PRRC2B: variants seen among roughly 807,000 people sequenced by gnomAD.
PRRC2B encodes the protein proline rich coiled-coil 2B.
Under a neutral mutation model 242.3 loss-of-function variants are expected in PRRC2B, and 68 were observed. The ratio of observed to expected loss-of-function variants is 0.28; its 90% confidence interval spans 0.23 to 0.34. The LOEUF is 0.34. Ranked by LOEUF, PRRC2B falls within the 10% of genes least tolerant of loss-of-function variation. PRRC2B has a pLI of 1.00. For synonymous variants in PRRC2B, 1,228 were observed against 1,173.6 expected (o/e 1.05, Z -0.95); for missense variants, 2,835 against 2,954.8 (o/e 0.96, Z 0.94).
chr9:131,437,145 C>T (rs796157371), intron 4 of PRRC2B, among the ~76,000 whole-genome samples: 9 of 152,194 alleles, frequency 5.9e-5, no homozygotes, highest in South Asian at 2.1e-4. Flanking sequence ...AAAAACAAAA[C>T]GAAGCGAGCT....
At chr9:131,455,254 A>G (rs1360870695) in intron 10 of PRRC2B, 88 bp downstream of exon 10, 2 of 885,822 alleles carry the variant, frequency 2.3e-6, no homozygotes, top group Non-Finnish European at 3.6e-6. Flanking sequence ...TTCCATAGCA[A>G]CCTGGAATGG....
In PRRC2B at chr9:131,476,086, G is replaced by A. The variant is rs751754404; in HGVS notation, c.3957G>A (p.Glu1319=). The A allele has an allele frequency of 3.1e-6, 5 of 1,608,542 alleles. No homozygotes were observed. The highest frequency in any genetic ancestry group is 4.2e-6 in the Non-Finnish European group (5 of 1,176,624). Reference sequence around the variant, plus strand: ...CTCGATTCCGGCGCCTCCGGCAAGAGCGGGAGTCCCTGGGCCTGTGGGGAC... The same window carrying A: ...CTCGATTCCGGCGCCTCCGGCAAGAACGGGAGTCCCTGGGCCTGTGGGGAC... ...KPPRFRRLRQ[E]RESLGLWGPE... Residue 1319 remains glutamate (E), a synonymous_variant, in exon 16 of 32, where the codon GAG becomes GAA. Transcript: ENST00000683519.
At chr9:131,385,327 G>A (rs1311706312) in intron 1 of PRRC2B, among the ~76,000 whole-genome samples, 2 of 148,176 alleles carry the variant, frequency 1.3e-5, no homozygotes, top group African/African-American at 2.5e-5. Context: ...GGTAACGAGC[G>A]AAAAACTCCG....
intron 30 of PRRC2B, among the ~76,000 whole-genome samples, chr9:131,493,138 T>C (rs7875428): frequency 0.98 from 149,157 of 152,242 alleles, 73,151 homozygotes; most frequent in East Asian, 1. Context: ...CCCTCTGCCT[T>C]GCTGCCCTCC....
At chr9:131,483,222 G>T in intron 22 of PRRC2B, 137 bp from the exon 23 acceptor site, 1 of 834,706 alleles carries the variant, frequency 1.2e-6, no homozygotes. Flanking sequence ...TGGCCATCTC[G>T]CTCATATGTG....
At position 131,483,359 on chromosome 9, in the gene PRRC2B, G is replaced by A; in HGVS notation, c.5374G>A (p.Asp1792Asn). ...PPIEFGVSPK[D>N]SDFSLPPGSA... ...TGTGTGGCCTTTTTTATTTTTTCAGGACTCCGATTTCAGCTTGCCACCTGG... is the reference window on the plus strand; with the variant it reads ...TGTGTGGCCTTTTTTATTTTTTCAGAACTCCGATTTCAGCTTGCCACCTGG... The change falls in exon 23 of 32, where the codon GAC becomes AAC. Residue 1792 changes from aspartate (D) to asparagine (N), a missense_variant and splice_region_variant. By Grantham distance (23) the Asp-to-Asn change is conservative. This residue lies in a region of PRRC2B where 574 missense variants were observed against 626.0 expected (regional missense o/e 0.92). Transcript: ENST00000683519. The A allele has an allele frequency of 6.2e-7, 1 of 1,613,880 alleles. No individual in the cohort carries two copies. Among genetic ancestry groups the A allele is most frequent in the African/African-American group, 1.3e-5 (1 of 75,018 alleles).
rs1474728319 is a variant in PRRC2B, at chr9:131,467,623, T to C, written c.1781T>C (p.Val594Ala). The change falls in exon 13 of 32, where the codon GTG becomes GCG. Residue 594 changes from valine (V) to alanine (A), a missense_variant. Val to Ala is a moderately conservative substitution (Grantham distance 64, BLOSUM62 0). This residue lies in a region of PRRC2B where 1,536 missense variants were observed against 1,483.1 expected (regional missense o/e 1.04). Transcript: ENST00000683519. ...PTTFPEEAPT[V>A]SPAVAQSNSS... ...ACATTCCCAGAAGAGGCACCCACAGTGTCCCCAGCAGTGGCACAGAGCAAC... is the reference window on the plus strand; with the variant it reads ...ACATTCCCAGAAGAGGCACCCACAGCGTCCCCAGCAGTGGCACAGAGCAAC... 6.2e-7 allele frequency: 1 copy of C among 1,613,542 alleles called. No homozygotes were observed. Among genetic ancestry groups the C allele is most frequent in the Admixed American group, 1.7e-5 (1 of 59,964 alleles).
Position 131,491,144 on chromosome 9 carries a change from C to T in PRRC2B, c.6226-281C>T, listed in dbSNP as rs1944182115. On this transcript the variant is annotated intron_variant, in intron 28 of 31. Transcript: ENST00000683519. ...AGAGATGTGGATGAGACACACTTAA[C>T]GCTGTTAGTTCCCATGCCTGCAGCC... 7.5e-6 allele frequency: 3 copies of T among 400,810 alleles called. No homozygotes were observed. In the South Asian group the frequency reaches 1.3e-4, roughly 17 times the overall value. 24.8% of individuals were successfully genotyped at this position (400,810 alleles called of 1,614,324 possible).
intron 13 of PRRC2B, 105 bp downstream of exon 13, chr9:131,467,858 A>G: frequency 8.4e-7 from 1 of 1,185,428 alleles, no homozygotes; most frequent in Non-Finnish European, 1.2e-6. Context: ...GAAAAAGGCC[A>G]GAATATCCCT....
intron 1 of PRRC2B, among the ~76,000 whole-genome samples, chr9:131,411,337 T>C (rs1471217623): frequency 9.7e-6 from 1 of 103,554 alleles, no homozygotes; most frequent in Non-Finnish European, 1.9e-5. Flanking sequence ...TTTTGTTTTG[T>C]TTTGTTTTTT....
chr9:131,447,623 G>A (rs1485020035), intron 8 of PRRC2B, 39 bp from the exon 9 acceptor site: 7 of 1,542,524 alleles, frequency 4.5e-6, no homozygotes, highest in Non-Finnish European at 6.1e-6. Context: ...GCTTCCGTCT[G>A]TATACTGGAC....
intron 23 of PRRC2B, 147 bp downstream of exon 23, chr9:131,483,592 A>G: frequency 1.4e-6 from 1 of 711,982 alleles, no homozygotes; most frequent in Non-Finnish European, 2.5e-6. Context: ...AGGTGCTTAA[A>G]TGTTCCTGCC....
At chr9:131,451,831 T>G (rs1189950567) in intron 9 of PRRC2B, among the ~76,000 whole-genome samples, 2 of 152,212 alleles carry the variant, frequency 1.3e-5, no homozygotes. Flanking sequence ...TGTGTTCATA[T>G]TATTTTTCTC....
intron 1 of PRRC2B, among the ~76,000 whole-genome samples, chr9:131,401,538 A>G (rs1249076975): frequency 2.0e-5 from 3 of 151,198 alleles, no homozygotes; most frequent in Non-Finnish European, 4.4e-5. Flanking sequence ...TTTTGTAGAG[A>G]CGGGGTTTCA....
intron 4 of PRRC2B, 110 bp downstream of exon 4, chr9:131,436,832 C>T (rs1204488736): frequency 1.2e-6 from 1 of 826,236 alleles, no homozygotes; most frequent in Admixed American, 2.4e-5. Context: ...TTGTGCATGA[C>T]CTGTCTATTC....
intron 1 of PRRC2B, among the ~76,000 whole-genome samples, chr9:131,409,597 G>A (rs1454145915): frequency 6.6e-6 from 1 of 152,206 alleles, no homozygotes; most frequent in African/African-American, 2.4e-5. Flanking sequence ...GAGCCTGTGG[G>A]GGCCGGGCTG....
At chr9:131,389,183 G>C (rs558981851), upstream of PRRC2B, among the ~76,000 whole-genome samples, 1 of 128,756 alleles carries the variant, frequency 7.8e-6, no homozygotes, top group South Asian at 2.3e-4. Context: ...ACAGAGTTTC[G>C]CTCTTGTTGC....
intron 1 of PRRC2B, among the ~76,000 whole-genome samples, chr9:131,405,485 G>C (rs1175468768): frequency 2.0e-5 from 3 of 152,154 alleles, no homozygotes; most frequent in Admixed American, 6.5e-5. Context: ...TGCAGCTCCT[G>C]ATAGTGGCTG....
chr9:131,444,091 T>G, intron 5 of PRRC2B, 94 bp from the exon 6 acceptor site: 1 of 1,452,602 alleles, frequency 6.9e-7, no homozygotes, highest in South Asian at 1.3e-5. Context: ...AAAGCCCACT[T>G]CCAGGCAACA....
Sources: gnomAD v4.1 joint callset for allele counts (sites outside exome capture counted in the v4.1 genomes callset) on GRCh38, gnomAD v4.1.1 for gene constraint, gnomAD v4.1.1 regional missense constraint, MANE v1.5 for transcripts, NCBI Gene and HGNC (gene_info 2026-07-23, HGNC 2026-07-21) for gene names.